Variants in STMN2 observed in about 807,000 individuals in gnomAD.
STMN2 encodes stathmin 2.
Under a neutral mutation model 24.1 loss-of-function variants are expected in STMN2, and 2 were observed. The ratio of observed to expected loss-of-function variants is 0.08; its 90% CI spans 0.03 to 0.26. The LOEUF (loss-of-function observed/expected upper bound fraction) is 0.26, where lower values mean the gene tolerates loss of function less well. Among genes scored for constraint, STMN2 ranks in the 10% least tolerant of loss-of-function variants. The pLI is 1.00. For synonymous variants in STMN2, 83 were observed against 77.5 expected, an observed-to-expected ratio of 1.07 and a Z score of -0.37; for missense variants, 114 against 213.6, an observed-to-expected ratio of 0.53 and a Z score of 2.91.
chr8:79,623,480 C>T (rs978183234), intron 1 of STMN2, among the ~76,000 whole-genome samples: 2 of 152,128 alleles, frequency 1.3e-5, no homozygotes, highest in Non-Finnish European at 2.9e-5. Context: ...ATGTGTGGTA[C>T]ATAAATTAGG....
intron 1 of STMN2, among the ~76,000 whole-genome samples, chr8:79,622,959 C>T (rs767756008): frequency 6.6e-6 from 1 of 152,142 alleles, no homozygotes; most frequent in Non-Finnish European, 1.5e-5. Context: ...CACAATATCT[C>T]ATTGCCACCT....
rs551436605 is a variant in STMN2 at position 79,624,108 on chromosome 8, A to G, written c.20-12694A>G. ...TGAATTTTTTTAAGACAGTGTACAC[A>G]GTTGCAGTGTGTATTGGTTATGGAT... On this transcript the variant is annotated intron_variant, in intron 1 of 4. Coordinates refer to ENST00000220876, the MANE Select transcript of STMN2 (RefSeq NM_007029.4). Among the ~76,000 whole-genome samples, 107 of 152,312 alleles carry G rather than the reference A, an allele frequency of 7.0e-4. 2 individuals are homozygous for G. The highest frequency in any genetic ancestry group is 6.2e-3 in the Admixed American group (95 of 15,302).
At chr8:79,658,748 CATG>C (rs1806434478) in intron 4 of STMN2, among the ~76,000 whole-genome samples, 1 of 152,192 alleles carries the variant, frequency 6.6e-6, no homozygotes, top group Admixed American at 6.5e-5. Context: ...ATATTTTCAC[CATG>C]ATGCCCATAA....
intron 1 of STMN2, among the ~76,000 whole-genome samples, chr8:79,630,555 A>G (rs1261441099): frequency 2.6e-5 from 4 of 152,234 alleles, no homozygotes; most frequent in Non-Finnish European, 4.4e-5. Context: ...CATTCTGCAT[A>G]GGAAGTGAGT....
intron 3 of STMN2, among the ~76,000 whole-genome samples, chr8:79,648,759 G>A (rs971559408): frequency 6.6e-6 from 1 of 151,808 alleles, no homozygotes; most frequent in Non-Finnish European, 1.5e-5. Context: ...CACCATGCCC[G>A]GCCAATATTT....
chr8:79,636,653 A>G, intron 1 of STMN2, 149 bp from the exon 2 acceptor site: 1 of 696,912 alleles, frequency 1.4e-6, no homozygotes, highest in South Asian at 1.9e-5. Flanking sequence ...GACATCTTGC[A>G]TTCCTTTATA....
Position 79,611,221 on chromosome 8 carries a change from C to A in STMN2, c.19+7C>A, listed in dbSNP as rs1356542458. 6.2e-7 allele frequency: 1 copy of A among 1,613,920 alleles called. No individual in the cohort carries two copies. Among genetic ancestry groups the A allele is most frequent in the East Asian group, 2.2e-5 (1 of 44,894 alleles). ...ATGGCTAAAACAGCAATGGGTAAGG[C>A]ACTGCGCCTCGTTCTCCGTCGGCTC... is the stretch of plus-strand genomic sequence containing the variant. On this transcript the variant is annotated splice_region_variant and intron_variant, in intron 1 of 4. Transcript: ENST00000220876.
intron 4 of STMN2, among the ~76,000 whole-genome samples, chr8:79,664,105 G>T (rs1585917348): frequency 6.6e-6 from 1 of 152,206 alleles, no homozygotes; most frequent in Non-Finnish European, 1.5e-5. Flanking sequence ...TAAAAGGAAA[G>T]ATTTATGCAG....
chr8:79,649,166 AAG>A (rs1585903880), intron 3 of STMN2, among the ~76,000 whole-genome samples: 1 of 152,194 alleles, frequency 6.6e-6, no homozygotes, highest in East Asian at 1.9e-4. Context: ...AATCCAGGGA[AAG>A]AGGGGGTGGT....
intron 1 of STMN2, among the ~76,000 whole-genome samples, chr8:79,618,270 A>C (rs1284625697): frequency 2.0e-5 from 3 of 152,198 alleles, no homozygotes; most frequent in African/African-American, 7.2e-5. Flanking sequence ...CTTTGGGAGA[A>C]AGAGAGCTAT....
intron 3 of STMN2, among the ~76,000 whole-genome samples, chr8:79,648,819 T>C (rs1451150895): frequency 6.6e-6 from 1 of 152,036 alleles, no homozygotes; most frequent in African/African-American, 2.4e-5. Flanking sequence ...GAAAAGACAG[T>C]TTGATAGGTA....
chr8:79,622,475 G>C (rs1298021585), intron 1 of STMN2, among the ~76,000 whole-genome samples: 1 of 152,204 alleles, frequency 6.6e-6, no homozygotes, highest in Non-Finnish European at 1.5e-5. Flanking sequence ...CTTTGTGGTA[G>C]AGGGAGAGTT....
At chr8:79,630,369 T>C (rs1404071061) in intron 1 of STMN2, among the ~76,000 whole-genome samples, 1 of 152,236 alleles carries the variant, frequency 6.6e-6, no homozygotes, top group Non-Finnish European at 1.5e-5. Flanking sequence ...TTATGCAATC[T>C]TACATACAAA....
intron 1 of STMN2, among the ~76,000 whole-genome samples, chr8:79,623,481 A>G (rs1392517254): frequency 1.3e-5 from 2 of 152,250 alleles, no homozygotes; most frequent in Admixed American, 6.5e-5. Context: ...TGTGTGGTAC[A>G]TAAATTAGGA....
intron 2 of STMN2, among the ~76,000 whole-genome samples, chr8:79,640,412 G>T (rs1328437016): frequency 6.6e-6 from 1 of 150,878 alleles, no homozygotes; most frequent in Non-Finnish European, 1.5e-5. Context: ...TGTCCTCCAG[G>T]TTCACCCATG....
intron 1 of STMN2, among the ~76,000 whole-genome samples, chr8:79,635,611 T>A (rs1809928239): frequency 6.6e-6 from 1 of 152,174 alleles, no homozygotes; most frequent in Admixed American, 6.5e-5. Flanking sequence ...TGCTGCAACA[T>A]GGATGCAGTT....
At chr8:79,632,825 A>C in intron 1 of STMN2, among the ~76,000 whole-genome samples, 1 of 152,346 alleles carries the variant, frequency 6.6e-6, no homozygotes, top group Non-Finnish European at 1.5e-5. Context: ...CTGCACTATC[A>C]ATTCCAAATT....
intron 4 of STMN2, among the ~76,000 whole-genome samples, chr8:79,662,945 T>C (rs1050657403): frequency 6.6e-6 from 1 of 152,106 alleles, no homozygotes; most frequent in African/African-American, 2.4e-5. Flanking sequence ...TTCCTTATAA[T>C]AGCAGAACAA....
In STMN2 at chr8:79,626,446, C is replaced by T. The variant is rs1809657330; in HGVS notation, c.20-10356C>T. 2.6e-5 allele frequency among the ~76,000 whole-genome samples: 4 copies of T among 152,312 alleles called. No individual in the cohort carries two copies. The South Asian group carries it at 8.3e-4, about 32-fold the overall frequency. ...ACCAGTAGTTCCATTTTCAAACTAT[C>T]ACTGTAGCTAAAGCTATGTGGTAAG... On this transcript the variant is annotated intron_variant, in intron 1 of 4. Coordinates refer to ENST00000220876, the MANE Select transcript of STMN2 (RefSeq NM_007029.4).
Sources: allele counts gnomAD v4.1 joint callset (sites outside exome capture counted in the v4.1 genomes callset), GRCh38; gene constraint gnomAD v4.1.1; transcripts MANE v1.5; gene names NCBI Gene and HGNC (gene_info 2026-07-23, HGNC 2026-07-21).